MAML2: variants seen among roughly 807,000 people sequenced by gnomAD.
MAML2 encodes mastermind-like protein 2.
MAML2 carries 22 observed loss-of-function variants against 96.1 expected under a neutral mutation model. The ratio of observed to expected loss-of-function variants is 0.23; its 90% CI spans 0.16 to 0.33. MAML2 has a LOEUF of 0.33. Among genes scored for constraint, MAML2 ranks in the 10% least tolerant of loss-of-function variants. The probability of loss-of-function intolerance (pLI) is 1.00; values close to 1 mark genes in which losing one functional copy is unlikely to be tolerated. For synonymous variants in MAML2, 561 were observed against 521.3 expected (o/e 1.08, Z -1.04); for missense variants, 1,367 against 1,392.4 (o/e 0.98, Z 0.29).
chr11:96,293,012 A>G (rs575475664), intron 1 of MAML2, among the ~76,000 whole-genome samples: 5 of 152,336 alleles, frequency 3.3e-5, no homozygotes, highest in African/African-American at 7.2e-5. Context: ...TTCAAATAGT[A>G]TACTGTCTTT....
chr11:96,166,213 A>ACC (rs1861191829), intron 1 of MAML2, among the ~76,000 whole-genome samples: 4 of 150,526 alleles, frequency 2.7e-5, no homozygotes, highest in Non-Finnish European at 5.9e-5. Context: ...ACACACACAC[A>ACC]CACCCCACAT....
chr11:96,242,098 C>G (rs990978980), intron 1 of MAML2, among the ~76,000 whole-genome samples: 5 of 152,202 alleles, frequency 3.3e-5, no homozygotes, highest in African/African-American at 1.2e-4. Context: ...GAAGTTAATT[C>G]ACTTTTTTAC....
chr11:96,105,437 G>A (rs549165593), intron 1 of MAML2, among the ~76,000 whole-genome samples: 1 of 152,278 alleles, frequency 6.6e-6, no homozygotes, highest in Non-Finnish European at 1.5e-5. Flanking sequence ...TAACTGGTTT[G>A]GATACAATCA....
At chr11:96,037,352 A>G (rs993694665) in intron 2 of MAML2, among the ~76,000 whole-genome samples, 2 of 152,184 alleles carry the variant, frequency 1.3e-5, no homozygotes, top group Non-Finnish European at 2.9e-5. Flanking sequence ...AAATTGTCCA[A>G]AAGTCCAGGT....
chr11:95,981,732 C>A (rs958777298), intron 4 of MAML2, among the ~76,000 whole-genome samples: 10 of 152,098 alleles, frequency 6.6e-5, no homozygotes, highest in African/African-American at 2.4e-4. Context: ...GACACTTGAA[C>A]AATAACTGAG....
intron 1 of MAML2, among the ~76,000 whole-genome samples, chr11:96,187,106 G>A (rs951447358): frequency 6.6e-6 from 1 of 152,158 alleles, no homozygotes; most frequent in Non-Finnish European, 1.5e-5. Context: ...TATCTTCAGT[G>A]GGTGTCTGAG....
intron 1 of MAML2, among the ~76,000 whole-genome samples, chr11:96,240,526 C>T (rs945191602): frequency 9.8e-5 from 12 of 122,526 alleles, no homozygotes; most frequent in Non-Finnish European, 1.6e-4. Flanking sequence ...AGTCCGCAGT[C>T]CGGCCTGGGC....
At chr11:96,180,771 C>G (rs1472417925) in intron 1 of MAML2, among the ~76,000 whole-genome samples, 8 of 152,184 alleles carry the variant, frequency 5.3e-5, no homozygotes, top group African/African-American at 1.9e-4. Context: ...GACCACCAAA[C>G]AGGCTTTGTG....
chr11:96,246,783 A>G (rs1444107594), intron 1 of MAML2, among the ~76,000 whole-genome samples: 1 of 152,110 alleles, frequency 6.6e-6, no homozygotes, highest in East Asian at 1.9e-4. Context: ...TGTTCAATGT[A>G]ATATATACAG....
At chr11:96,050,187 A>G (rs1373776812) in intron 2 of MAML2, among the ~76,000 whole-genome samples, 1 of 152,202 alleles carries the variant, frequency 6.6e-6, no homozygotes, top group Non-Finnish European at 1.5e-5. Context: ...GATCTAAGGA[A>G]ACTGACATCC....
At chr11:96,132,616 T>C (rs978942194) in intron 1 of MAML2, among the ~76,000 whole-genome samples, 5 of 152,226 alleles carry the variant, frequency 3.3e-5, no homozygotes, top group African/African-American at 1.2e-4. Context: ...ATATGAGTCA[T>C]TCTGCAAACA....
At position 96,267,024 on chromosome 11, in the gene MAML2, G is replaced by A. The variant is rs557484892; in HGVS notation, c.513+74359C>T. 3.9e-5 allele frequency among the ~76,000 whole-genome samples: 6 copies of A among 152,316 alleles called. No individual in the cohort carries two copies. In the South Asian group the frequency reaches 6.2e-4, roughly 16 times the overall value. On this transcript the variant is annotated intron_variant, in intron 1 of 4. Coordinates refer to ENST00000524717, the MANE Select transcript of MAML2 (RefSeq NM_032427.4). ...AAGAGAGTGAATGAAAGGCCATGTA[G>A]CCTGCTGAGGAACAGTATGTCCCTA...
chr11:96,250,660 C>T (rs1309256454), intron 1 of MAML2, among the ~76,000 whole-genome samples: 1 of 152,198 alleles, frequency 6.6e-6, no homozygotes, highest in Non-Finnish European at 1.5e-5. Context: ...ATGAAGGAAG[C>T]TACTATCACC....
chr11:96,034,953 G>A (rs1380028518), intron 2 of MAML2, among the ~76,000 whole-genome samples: 1 of 152,156 alleles, frequency 6.6e-6, no homozygotes, highest in African/African-American at 2.4e-5. Flanking sequence ...TGTCCAAGAG[G>A]TTTAGTTTAA....
chr11:96,269,012 A>G (rs1862872262), intron 1 of MAML2, among the ~76,000 whole-genome samples: 1 of 145,238 alleles, frequency 6.9e-6, no homozygotes, highest in East Asian at 2.0e-4. Flanking sequence ...AATCTCTAAA[A>G]CTGAGAAACA....
intron 1 of MAML2, among the ~76,000 whole-genome samples, chr11:96,321,969 GT>G (rs1311336704): frequency 1.3e-5 from 2 of 152,014 alleles, no homozygotes; most frequent in East Asian, 3.9e-4. Context: ...TGTTGTTGTT[GT>G]TTTTTTCCTT....
chr11:96,213,464 A>G (rs1262101294), intron 1 of MAML2, among the ~76,000 whole-genome samples: 1 of 152,252 alleles, frequency 6.6e-6, no homozygotes, highest in Non-Finnish European at 1.5e-5. Context: ...CATCTTGGAA[A>G]GAAACCACTG....
At chr11:96,108,421 G>A (rs1333828630) in intron 1 of MAML2, among the ~76,000 whole-genome samples, 1 of 152,280 alleles carries the variant, frequency 6.6e-6, no homozygotes, top group East Asian at 1.9e-4. Flanking sequence ...CATTTATTGG[G>A]TGACTACTTA....
chr11:96,212,182 A>G (rs890958414), intron 1 of MAML2, among the ~76,000 whole-genome samples: 1 of 148,080 alleles, frequency 6.8e-6, no homozygotes, highest in Non-Finnish European at 1.5e-5. Context: ...ATTTGTGGAT[A>G]CAATTTTTGA....
Sources: gnomAD v4.1 joint callset for allele counts (sites outside exome capture counted in the v4.1 genomes callset) on GRCh38, gnomAD v4.1.1 for gene constraint, MANE v1.5 for transcripts, NCBI Gene and HGNC (gene_info 2026-07-23, HGNC 2026-07-21) for gene names.